The following LEF1 variants were observed in gnomAD, a reference collection of about 807,000 sequenced individuals.
The protein encoded by LEF1 is lymphoid enhancer-binding factor 1.
Under a neutral mutation model 51.2 loss-of-function variants are expected in LEF1, and 14 were observed. The observed-to-expected ratio is 0.27, with a 90% CI of 0.18 to 0.43. The LOEUF (loss-of-function observed/expected upper bound fraction) is 0.43. LEF1 is among the 20% of genes least tolerant of loss of function. The probability of loss-of-function intolerance (pLI) is 1.00; values close to 1 mark genes in which losing one functional copy is unlikely to be tolerated. For missense variants in LEF1, 386 were observed against 512.0 expected (o/e 0.75, Z 2.37); for synonymous variants, 185 against 183.2 (o/e 1.01, Z -0.08).
At chr4:108,066,146 G>A (rs1338896120) in intron 9 of LEF1, among the ~76,000 whole-genome samples, 1 of 152,076 alleles carries the variant, frequency 6.6e-6, no homozygotes, top group Admixed American at 6.6e-5. Flanking sequence ...CAAGTAATCC[G>A]CCCCTATAAG....
intron 11 of LEF1, among the ~76,000 whole-genome samples, chr4:108,049,941 G>A (rs1429364998): frequency 2.6e-5 from 4 of 152,202 alleles, no homozygotes; most frequent in Admixed American, 2.0e-4. Context: ...GGAAAGAGAG[G>A]TTTGGCTCCT....
chr4:108,113,805 A>G (rs1741672748), intron 3 of LEF1, among the ~76,000 whole-genome samples: 1 of 152,158 alleles, frequency 6.6e-6, no homozygotes, highest in Admixed American at 6.5e-5. Context: ...TATTTCTACT[A>G]CTCAGCTACC....
chr4:108,121,254 G>A lies in LEF1; in HGVS notation c.415-31997C>T, dbSNP rs1351594677. ...CAGTTGGTGCCAGGCCATGATTTGT[G>A]CTAAGTGATGAGCAGTTTTCCCAGC... On this transcript the variant is annotated intron_variant, in intron 3 of 11. Transcript: ENST00000265165. Among the ~76,000 whole-genome samples, 3 of 152,210 alleles carry A rather than the reference G, an allele frequency of 2.0e-5. No individual in the cohort carries two copies. The East Asian group carries it at 5.8e-4, about 29-fold the overall frequency.
At chr4:108,078,564 GCAAA>G (rs1336734333) in intron 7 of LEF1, 182 bp from the exon 8 acceptor site, 2 of 691,238 alleles carry the variant, frequency 2.9e-6, no homozygotes, top group African/African-American at 1.8e-5. Flanking sequence ...ACACTGAGAG[GCAAA>G]CAACCCATCC....
chr4:108,157,730 C>T (rs1397249427), intron 3 of LEF1, among the ~76,000 whole-genome samples: 2 of 152,230 alleles, frequency 1.3e-5, no homozygotes, highest in African/African-American at 2.4e-5. Context: ...CTCTTGCTTG[C>T]TCTGCACTGC....
At chr4:108,166,914 G>C (rs1020103941) in intron 1 of LEF1, 2 of 722,982 alleles carry the variant, frequency 2.8e-6, no homozygotes, top group Non-Finnish European at 3.4e-6. Flanking sequence ...CCAGCTGCTA[G>C]CCCAGGCGCT....
intron 8 of LEF1, among the ~76,000 whole-genome samples, chr4:108,076,144 C>T (rs1394315724): frequency 6.6e-6 from 1 of 152,198 alleles, no homozygotes; most frequent in Non-Finnish European, 1.5e-5. Context: ...AGCTTAAATA[C>T]AGTTTCCTCA....
intron 8 of LEF1, among the ~76,000 whole-genome samples, chr4:108,077,640 G>C (rs1738973107): frequency 7.1e-6 from 1 of 140,356 alleles, no homozygotes; most frequent in Non-Finnish European, 1.6e-5. Context: ...GGGCGCCTCT[G>C]CCCGGCTGCC....
At chr4:108,064,651 TCACTCACACA>T (rs1737932934) in intron 9 of LEF1, among the ~76,000 whole-genome samples, 1 of 132,486 alleles carries the variant, frequency 7.5e-6, no homozygotes, top group Non-Finnish European at 1.5e-5. Context: ...TCTCTCTCTC[TCACTCACACA>T]CACACACACA....
Position 108,089,155 on chromosome 4 carries a change from G to T in LEF1, c.517C>A (p.His173Asn). Residue 173 changes from histidine to asparagine, a missense_variant, in exon 4 of 12, where the codon CAC becomes AAC. Physicochemically the swap from His to Asn is moderately conservative, Grantham distance 68. Transcript: ENST00000265165. ...TTGGAGTTGACATCTGATGGGATGT[G>T]TGACGGGTGTGATCCTGGAGAAAAG... Reference protein sequence around the residue: ...EHFSPGSHPSHIPSDVNSKQG... With the variant: ...EHFSPGSHPSNIPSDVNSKQG... 6.2e-7 allele frequency: 1 copy of T among 1,614,128 alleles called. No individual in the cohort carries two copies. Among genetic ancestry groups the T allele is most frequent in the Non-Finnish European group, 8.5e-7 (1 of 1,180,006 alleles).
chr4:108,129,590 CT>C (rs529297067), intron 3 of LEF1, among the ~76,000 whole-genome samples: 2 of 152,262 alleles, frequency 1.3e-5, no homozygotes, highest in African/African-American at 4.8e-5. Flanking sequence ...CAACACTTTT[CT>C]GGATTCTGAG....
chr4:108,105,033 A>G (rs879400199), intron 3 of LEF1, among the ~76,000 whole-genome samples: 17 of 152,014 alleles, frequency 1.1e-4, no homozygotes, highest in Non-Finnish European at 2.2e-4. Flanking sequence ...GCATGAGCAA[A>G]AGTCTCTGTC....
At chr4:108,152,888 T>A (rs1420994908) in intron 3 of LEF1, among the ~76,000 whole-genome samples, 1 of 152,182 alleles carries the variant, frequency 6.6e-6, no homozygotes, top group Non-Finnish European at 1.5e-5. Context: ...ATCTAGTCAG[T>A]AGCAGAGTGG....
intron 3 of LEF1, among the ~76,000 whole-genome samples, chr4:108,099,568 GTGTATATATATATATATATATATATATA>G (rs1458943462): frequency 6.2e-5 from 3 of 48,178 alleles, no homozygotes; most frequent in African/African-American, 2.2e-4. Flanking sequence ...GTGTGTGTGT[GTGTATATATATATATATATATATATATA>G]TATATATATA....
At chr4:108,080,549 A>C (rs1366464064) in intron 6 of LEF1, among the ~76,000 whole-genome samples, 2 of 152,236 alleles carry the variant, frequency 1.3e-5, no homozygotes, top group African/African-American at 2.4e-5. Flanking sequence ...AAAAATACAA[A>C]TATTTGACCA....
chr4:108,083,282 T>C, intron 5 of LEF1, 74 bp downstream of exon 5: 2 of 1,013,920 alleles, frequency 2.0e-6, no homozygotes, highest in Admixed American at 3.4e-5. Flanking sequence ...CATTCATAAA[T>C]CTAATTTCCA....
intron 8 of LEF1, chr4:108,072,298 C>A (rs1578306833): frequency 6.6e-6 from 1 of 152,180 alleles, no homozygotes; most frequent in Admixed American, 6.5e-5. Flanking sequence ...GGGCTCAGCC[C>A]CTAAAGTGTA....
intron 11 of LEF1, among the ~76,000 whole-genome samples, chr4:108,058,803 G>A (rs549757416): frequency 1.8e-4 from 27 of 152,250 alleles, no homozygotes; most frequent in Middle Eastern, 3.4e-3. Context: ...CACCCCCACC[G>A]CCTAACAGGA....
intron 3 of LEF1, among the ~76,000 whole-genome samples, chr4:108,112,622 G>A (rs749739086): frequency 6.6e-6 from 1 of 152,210 alleles, no homozygotes; most frequent in African/African-American, 2.4e-5. Flanking sequence ...TCATAGGGTT[G>A]TTAAGGATTA....
Sources: allele counts gnomAD v4.1 joint callset (sites outside exome capture counted in the v4.1 genomes callset), GRCh38; gene constraint gnomAD v4.1.1; transcripts MANE v1.5; gene names NCBI Gene and HGNC (gene_info 2026-07-23, HGNC 2026-07-21).